The following LHFPL3 variants were observed in gnomAD, a reference collection of about 807,000 sequenced individuals.
LHFPL3 encodes LHFPL tetraspan subfamily member 3.
LHFPL3 carries 5 observed loss-of-function variants against 19.3 expected under a neutral mutation model. The observed-to-expected ratio is 0.26, with a 90% CI of 0.14 to 0.54. The LOEUF (loss-of-function observed/expected upper bound fraction) is 0.54, where lower values mean the gene tolerates loss of function less well. Ranked by LOEUF, LHFPL3 falls within the 20% of genes least tolerant of loss-of-function variation. The probability of loss-of-function intolerance (pLI) is 0.94; values close to 1 mark genes in which losing one functional copy is unlikely to be tolerated. For missense variants in LHFPL3, 249 were observed against 307.4 expected, an observed-to-expected ratio of 0.81 and a Z score of 1.42; for synonymous variants, 133 against 126.2, an observed-to-expected ratio of 1.05 and a Z score of -0.36.
intron 1 of LHFPL3, among the ~76,000 whole-genome samples, chr7:104,376,639 G>A (rs1394115007): frequency 6.6e-6 from 1 of 152,108 alleles, no homozygotes; most frequent in Admixed American, 6.6e-5. Flanking sequence ...CTCTATGAAA[G>A]CTTTTATCAA....
intron 1 of LHFPL3, among the ~76,000 whole-genome samples, chr7:104,652,498 G>A (rs1436662121): frequency 2.0e-5 from 3 of 152,128 alleles, no homozygotes; most frequent in Non-Finnish European, 4.4e-5. Flanking sequence ...TCAAATCCAG[G>A]TCACTGAGAT....
chr7:104,704,270 CCTTT>C (rs1484258301), intron 1 of LHFPL3, among the ~76,000 whole-genome samples: 1 of 152,138 alleles, frequency 6.6e-6, no homozygotes, highest in Non-Finnish European at 1.5e-5. Flanking sequence ...CACAGCACTG[CCTTT>C]CTACTTCCAT....
intron 2 of LHFPL3, among the ~76,000 whole-genome samples, chr7:104,829,424 C>T (rs1367859892): frequency 2.0e-5 from 3 of 151,642 alleles, no homozygotes; most frequent in Non-Finnish European, 2.9e-5. Flanking sequence ...TGGTGTGCTG[C>T]ACCCATTAAC....
chr7:104,650,901 G>C (rs1344455469), intron 1 of LHFPL3, among the ~76,000 whole-genome samples: 1 of 152,178 alleles, frequency 6.6e-6, no homozygotes, highest in African/African-American at 2.4e-5. Flanking sequence ...GATTCATGTT[G>C]TCAAAGAGAG....
intron 1 of LHFPL3, among the ~76,000 whole-genome samples, chr7:104,512,016 G>C (rs1411028210): frequency 6.8e-6 from 1 of 147,154 alleles, no homozygotes; most frequent in Non-Finnish European, 1.5e-5. Flanking sequence ...GTGCAGCGGT[G>C]CAATCTTGGC....
chr7:104,761,231 A>G (rs2116371186), intron 2 of LHFPL3, among the ~76,000 whole-genome samples: 1 of 152,346 alleles, frequency 6.6e-6, no homozygotes, highest in South Asian at 2.1e-4. Flanking sequence ...TATACTTTTC[A>G]TAATAGATGC....
chr7:104,781,319 C>T (rs1402479149), intron 2 of LHFPL3, among the ~76,000 whole-genome samples: 1 of 152,142 alleles, frequency 6.6e-6, no homozygotes, highest in African/African-American at 2.4e-5. Flanking sequence ...TAAAGTAGCC[C>T]ATCACCTTAT....
At chr7:104,703,000 A>G (rs1007725755) in intron 1 of LHFPL3, among the ~76,000 whole-genome samples, 1 of 152,200 alleles carries the variant, frequency 6.6e-6, no homozygotes, top group African/African-American at 2.4e-5. Flanking sequence ...GATATTGTCA[A>G]CTTAATTTGA....
At chr7:104,402,102 C>T (rs1252950505) in intron 1 of LHFPL3, among the ~76,000 whole-genome samples, 2 of 146,486 alleles carry the variant, frequency 1.4e-5, no homozygotes, top group Non-Finnish European at 3.0e-5. Flanking sequence ...AAAAAAAAAA[C>T]AAAAAACAAC....
chr7:104,874,823 A>C (rs1424689938), intron 2 of LHFPL3, among the ~76,000 whole-genome samples: 1 of 151,964 alleles, frequency 6.6e-6, no homozygotes, highest in Non-Finnish European at 1.5e-5. Context: ...CACAACATTA[A>C]AACTCAGCAG....
rs61216282 is a variant in LHFPL3 at position 104,360,694 on chromosome 7, CGTGTGTGTGTGTGTGT to C, written c.445+31503_445+31518del. Among the ~76,000 whole-genome samples the C allele has an allele frequency of 6.1e-3, 888 of 144,394 alleles. 9 individuals are homozygous for C. Among genetic ancestry groups the C allele is most frequent in the Non-Finnish European group, 7.6e-3 (500 of 65,918 alleles). 94.7% of individuals were successfully genotyped at this position (144,394 alleles called of 152,430 possible). On this transcript the variant is annotated intron_variant, in intron 1 of 2. Transcript: ENST00000424859. ...TTGGGTTTTTTTAAAAAAGTGCTTC[CGTGTGTGTGTGTGTGT>C]GTGTGTGTGTGTGTGTGTGTGTGTG... is the stretch of plus-strand genomic sequence containing the variant.
At chr7:104,812,841 C>T (rs1790499128) in intron 2 of LHFPL3, among the ~76,000 whole-genome samples, 1 of 125,802 alleles carries the variant, frequency 7.9e-6, no homozygotes, top group Non-Finnish European at 1.6e-5. Context: ...AGGCCAGGCG[C>T]AGTGGCTCAT....
chr7:104,674,853 G>T (rs1792561209), intron 1 of LHFPL3, among the ~76,000 whole-genome samples: 1 of 152,136 alleles, frequency 6.6e-6, no homozygotes, highest in Admixed American at 6.5e-5. Flanking sequence ...TATAAATCAT[G>T]CATAAATCAA....
chr7:104,780,274 G>A (rs776718037), intron 2 of LHFPL3, among the ~76,000 whole-genome samples: 8 of 152,256 alleles, frequency 5.3e-5, no homozygotes, highest in Non-Finnish European at 7.4e-5. Context: ...CAGAGACCCC[G>A]ACAGGATTCC....
At chr7:104,427,202 CAT>C (rs1315274866) in intron 1 of LHFPL3, among the ~76,000 whole-genome samples, 1 of 152,174 alleles carries the variant, frequency 6.6e-6, no homozygotes, top group African/African-American at 2.4e-5. Context: ...AGGAAAAACA[CAT>C]GTGATGTCCT....
At chr7:104,460,707 T>C (rs1792645148) in intron 1 of LHFPL3, among the ~76,000 whole-genome samples, 1 of 152,194 alleles carries the variant, frequency 6.6e-6, no homozygotes, top group Non-Finnish European at 1.5e-5. Context: ...ATTTGTTTTC[T>C]TGTAAATTTA....
At chr7:104,492,163 T>C (rs931201978) in intron 1 of LHFPL3, among the ~76,000 whole-genome samples, 8 of 152,262 alleles carry the variant, frequency 5.3e-5, no homozygotes. Flanking sequence ...ACTACAGGGT[T>C]ACTTGCGTAA....
At chr7:104,806,829 C>T (rs2116491037) in intron 2 of LHFPL3, among the ~76,000 whole-genome samples, 1 of 152,150 alleles carries the variant, frequency 6.6e-6, no homozygotes, top group South Asian at 2.1e-4. Context: ...GGCACTTTCC[C>T]TCACTCTCCT....
At chr7:104,457,929 G>A (rs1235715757) in intron 1 of LHFPL3, among the ~76,000 whole-genome samples, 2 of 143,642 alleles carry the variant, frequency 1.4e-5, no homozygotes, top group African/African-American at 5.2e-5. Context: ...AGAAGTGTCT[G>A]TTCATATCCT....
Sources: allele counts gnomAD v4.1 joint callset (sites outside exome capture counted in the v4.1 genomes callset), GRCh38; gene constraint gnomAD v4.1.1; transcripts MANE v1.5; gene names NCBI Gene and HGNC (gene_info 2026-07-23, HGNC 2026-07-21).